Variants in ADAMTSL1 observed in about 807,000 individuals in gnomAD.
ADAMTSL1 encodes the protein ADAMTS-like protein 1.
A neutral mutation model predicts 201.8 loss-of-function variants in ADAMTSL1; 126 were observed. The ratio of observed to expected loss-of-function variants is 0.62; its 90% CI spans 0.54 to 0.72. The LOEUF (loss-of-function observed/expected upper bound fraction) is 0.72, where lower values mean the gene tolerates loss of function less well. Among genes scored for constraint, ADAMTSL1 ranks in the 30% least tolerant of loss-of-function variants. ADAMTSL1 has a pLI of 0.00. For synonymous variants in ADAMTSL1, 1,121 were observed against 903.4 expected, an observed-to-expected ratio of 1.24 and a Z score of -4.32; for missense variants, 2,679 against 2,277.8, an observed-to-expected ratio of 1.18 and a Z score of -3.59.
intron 3 of ADAMTSL1, among the ~76,000 whole-genome samples, chr9:18,567,056 A>G (rs2132316142): frequency 6.6e-6 from 1 of 152,206 alleles, no homozygotes; most frequent in Non-Finnish European, 1.5e-5. Context: ...ATTAAGCCTC[A>G]CCCCAGGTCT....
intron 1 of ADAMTSL1, among the ~76,000 whole-genome samples, chr9:17,972,298 T>G (rs1160468522): frequency 8.4e-6 from 1 of 118,528 alleles, no homozygotes; most frequent in Non-Finnish European, 1.8e-5. Context: ...TATCTCCTAA[T>G]GCTATCCCTC....
intron 2 of ADAMTSL1, among the ~76,000 whole-genome samples, chr9:18,429,008 G>A (rs1819363128): frequency 6.6e-6 from 1 of 152,136 alleles, no homozygotes; most frequent in Admixed American, 6.5e-5. Flanking sequence ...AAGTTCCAAT[G>A]ATTTATCAAT....
chr9:18,304,747 T>C (rs1383083830), intron 2 of ADAMTSL1, among the ~76,000 whole-genome samples: 1 of 152,184 alleles, frequency 6.6e-6, no homozygotes, highest in Non-Finnish European at 1.5e-5. Flanking sequence ...TTGTTACTTG[T>C]ATGGAGTTGA....
At chr9:18,717,960 T>C in intron 14 of ADAMTSL1, 1 of 1,503,774 alleles carries the variant, frequency 6.6e-7, no homozygotes, top group Non-Finnish European at 9.3e-7. Context: ...AGAGCTGCAA[T>C]GCACTTAGTA....
intron 1 of ADAMTSL1, among the ~76,000 whole-genome samples, chr9:18,159,929 C>T (rs1467339066): frequency 6.6e-6 from 1 of 151,976 alleles, no homozygotes; most frequent in African/African-American, 2.4e-5. Flanking sequence ...TTTTAAACTA[C>T]CTTTACCTCA....
At chr9:18,180,394 G>A (rs985245188) in intron 2 of ADAMTSL1, among the ~76,000 whole-genome samples, 11 of 151,296 alleles carry the variant, frequency 7.3e-5, no homozygotes, top group Admixed American at 5.3e-4. Context: ...TTAGCCAGGC[G>A]TAGTGGCGGG....
In ADAMTSL1 at chr9:18,675,989, A is replaced by G; in HGVS notation, c.1136+82A>G. On this transcript the variant is annotated intron_variant, in intron 10 of 28. Transcript: ENST00000380548. Reference sequence around the variant, plus strand: ...TCTATATATATAGAGATATACATATACATAGAGAGAGAGATTATATGTTTT... The same window carrying G: ...TCTATATATATAGAGATATACATATGCATAGAGAGAGAGATTATATGTTTT... The G allele has an allele frequency of 3.2e-6, 4 of 1,252,776 alleles. No individual in the cohort carries two copies. In the South Asian group the frequency reaches 4.9e-5, roughly 15 times the overall value. 77.6% of individuals were successfully genotyped at this position (1,252,776 alleles called of 1,614,324 possible).
At chr9:18,247,690 T>C (rs746504809) in intron 2 of ADAMTSL1, among the ~76,000 whole-genome samples, 1 of 151,916 alleles carries the variant, frequency 6.6e-6, no homozygotes, top group Non-Finnish European at 1.5e-5. Context: ...CTGAAGAAAG[T>C]GTGTGAAGAA....
chr9:18,074,447 G>C (rs954986245), intron 1 of ADAMTSL1, among the ~76,000 whole-genome samples: 7 of 150,002 alleles, frequency 4.7e-5, no homozygotes, highest in Non-Finnish European at 8.9e-5. Context: ...TTGTTTGGCA[G>C]ATTTATTCAT....
chr9:17,964,689 A>G (rs1193977563), intron 1 of ADAMTSL1, among the ~76,000 whole-genome samples: 2 of 152,188 alleles, frequency 1.3e-5, no homozygotes, highest in Non-Finnish European at 2.9e-5. Context: ...GTGGTAGAAG[A>G]TGTTACCATT....
chr9:18,266,359 T>C (rs1832117290), intron 2 of ADAMTSL1, among the ~76,000 whole-genome samples: 1 of 152,148 alleles, frequency 6.6e-6, no homozygotes, highest in African/African-American at 2.4e-5. Context: ...ATCCAAAAAT[T>C]CAACTGTGTT....
At chr9:18,603,020 T>G (rs1182716818) in intron 4 of ADAMTSL1, among the ~76,000 whole-genome samples, 1 of 152,198 alleles carries the variant, frequency 6.6e-6, no homozygotes, top group Non-Finnish European at 1.5e-5. Flanking sequence ...GAGAGCTAAG[T>G]TTCTGACTTT....
intron 23 of ADAMTSL1, among the ~76,000 whole-genome samples, chr9:18,846,834 A>T (rs1826148124): frequency 6.6e-6 from 1 of 152,202 alleles, no homozygotes; most frequent in Non-Finnish European, 1.5e-5. Flanking sequence ...GATTAACATG[A>T]GAAGGGAAAC....
At chr9:18,573,874 C>T (rs1338808485) in intron 3 of ADAMTSL1, among the ~76,000 whole-genome samples, 156 bp from the exon 4 acceptor site, 1 of 152,176 alleles carries the variant, frequency 6.6e-6, no homozygotes, top group Admixed American at 6.5e-5. Flanking sequence ...GCCAAATAAT[C>T]ATATAACCTC....
intron 23 of ADAMTSL1, among the ~76,000 whole-genome samples, chr9:18,865,456 T>C (rs551249384): frequency 6.6e-6 from 1 of 152,304 alleles, no homozygotes; most frequent in East Asian, 1.9e-4. Context: ...GACATTTGGG[T>C]TGGTTCCAAG....
At chr9:18,751,419 G>A (rs1186581107) in intron 15 of ADAMTSL1, among the ~76,000 whole-genome samples, 1 of 152,162 alleles carries the variant, frequency 6.6e-6, no homozygotes, top group Non-Finnish European at 1.5e-5. Flanking sequence ...GGGGTACTTG[G>A]ACAAGTCAGC....
At chr9:18,261,217 C>A (rs1831910021) in intron 2 of ADAMTSL1, among the ~76,000 whole-genome samples, 1 of 151,932 alleles carries the variant, frequency 6.6e-6, no homozygotes, top group South Asian at 2.1e-4. Context: ...CATCCCTGAT[C>A]TTGTATTTCT....
At chr9:17,955,437 A>G (rs931535733) in intron 1 of ADAMTSL1, among the ~76,000 whole-genome samples, 13 of 152,184 alleles carry the variant, frequency 8.5e-5, no homozygotes, top group South Asian at 6.2e-4. Context: ...AAAATTCCAA[A>G]TTTAGGACTG....
At position 18,399,335 on chromosome 9, in the gene ADAMTSL1, A is replaced by C. The variant is rs1188901952; in HGVS notation, c.208-105494A>C. Reference sequence around the variant, plus strand: ...TATATATATATATATATATAAAATTATTATTTTCTTTTTTTCTTTTTTGAG... The same window carrying C: ...TATATATATATATATATATAAAATTCTTATTTTCTTTTTTTCTTTTTTGAG... On this transcript the variant is annotated intron_variant, in intron 2 of 29. Coordinates refer to the ADAMTSL1 transcript ENST00000680146. 4.8e-5 allele frequency among the ~76,000 whole-genome samples: 5 copies of C among 105,064 alleles called. No individual in the cohort carries two copies. The South Asian group carries it at 1.5e-3, about 31-fold the overall frequency. The allele number at this position is 105,064 out of a possible 152,430, so 68.9% of individuals were successfully genotyped here.
Sources: allele counts gnomAD v4.1 joint callset (sites outside exome capture counted in the v4.1 genomes callset), GRCh38; gene constraint gnomAD v4.1.1; transcripts MANE v1.5; gene names NCBI Gene and HGNC (gene_info 2026-07-23, HGNC 2026-07-21).